MAD1L1: variants seen among roughly 807,000 people sequenced by gnomAD.
MAD1L1 encodes the protein mitotic spindle assembly checkpoint protein MAD1.
MAD1L1 carries 95 observed loss-of-function variants against 96.9 expected under a neutral mutation model. The observed-to-expected ratio is 0.98, with a 90% CI of 0.83 to 1.16. The LOEUF (loss-of-function observed/expected upper bound fraction) is 1.16. MAD1L1 is among the 50% of genes most tolerant of loss of function. MAD1L1 has a pLI of 0.00. For synonymous variants in MAD1L1, 473 were observed against 396.6 expected (o/e 1.19, Z -2.29); for missense variants, 1,007 against 954.4 (o/e 1.06, Z -0.73).
intron 12 of MAD1L1, among the ~76,000 whole-genome samples, chr7:2,051,606 A>T (rs891700040): frequency 6.6e-6 from 1 of 151,626 alleles, no homozygotes; most frequent in Non-Finnish European, 1.5e-5. Flanking sequence ...CCTTCCCTGC[A>T]TCCGCCGGGT....
chr7:1,908,739 T>G (rs1354192672), intron 17 of MAD1L1, among the ~76,000 whole-genome samples: 1 of 152,172 alleles, frequency 6.6e-6, no homozygotes, highest in Non-Finnish European at 1.5e-5. Flanking sequence ...CCGTTCTGAC[T>G]TCTGGTCTTC....
At chr7:1,862,590 C>G (rs2128648312) in intron 18 of MAD1L1, among the ~76,000 whole-genome samples, 1 of 152,382 alleles carries the variant, frequency 6.6e-6, no homozygotes, top group East Asian at 1.9e-4. Flanking sequence ...CAGATCCACT[C>G]AGGGGGCATT....
chr7:1,876,516 C>G (rs1189922495), intron 18 of MAD1L1, among the ~76,000 whole-genome samples: 2 of 151,924 alleles, frequency 1.3e-5, no homozygotes, highest in African/African-American at 4.8e-5. Context: ...ATGATTGCAG[C>G]TAAATTAATT....
intron 11 of MAD1L1, among the ~76,000 whole-genome samples, chr7:2,126,737 C>CA (rs1298246289): frequency 1.3e-5 from 2 of 152,166 alleles, no homozygotes; most frequent in Non-Finnish European, 2.9e-5. Context: ...TGCAAGGAAG[C>CA]AGAGTGACCG....
At chr7:2,133,033 CA>C (rs1290924545) in intron 11 of MAD1L1, among the ~76,000 whole-genome samples, 2 of 152,226 alleles carry the variant, frequency 1.3e-5, no homozygotes, top group Non-Finnish European at 2.9e-5. Flanking sequence ...GGCGCCTGTT[CA>C]GAGCTCACCC....
intron 18 of MAD1L1, among the ~76,000 whole-genome samples, chr7:1,892,521 C>A (rs1177284216): frequency 6.6e-6 from 1 of 152,154 alleles, no homozygotes; most frequent in African/African-American, 2.4e-5. Flanking sequence ...AATATTCATC[C>A]CTAATCTGAA....
rs865799315 is a variant in MAD1L1, at chr7:2,014,988, C to G, written c.1219-346G>C. On this transcript the variant is annotated intron_variant, in intron 12 of 18. Transcript: ENST00000265854. ...TCTGCCCCTGTGGACACAGCACACA[C>G]AAGGCGAGGGCGCACAGTGGGCAGA... 2.0e-5 allele frequency among the ~76,000 whole-genome samples: 3 copies of G among 152,230 alleles called. No homozygotes were observed. In the East Asian group the frequency reaches 5.8e-4, roughly 29 times the overall value.
At chr7:2,224,537 C>G (rs1793778094) in intron 4 of MAD1L1, among the ~76,000 whole-genome samples, 1 of 152,200 alleles carries the variant, frequency 6.6e-6, no homozygotes, top group East Asian at 1.9e-4. Flanking sequence ...ATCCAACCAG[C>G]ATCACACCCC....
intron 18 of MAD1L1, among the ~76,000 whole-genome samples, chr7:1,865,960 T>C (rs1167050444): frequency 1.3e-5 from 2 of 152,182 alleles, no homozygotes; most frequent in Non-Finnish European, 2.9e-5. Context: ...CGGCCCGCAA[T>C]GGGCCAGGCA....
intron 3 of MAD1L1, among the ~76,000 whole-genome samples, chr7:2,228,985 A>G (rs1794058184): frequency 6.6e-6 from 1 of 152,140 alleles, no homozygotes; most frequent in African/African-American, 2.4e-5. Flanking sequence ...CGCCCACCTC[A>G]GCCTCCCAAA....
At chr7:1,934,686 C>T (rs1441090623) in intron 17 of MAD1L1, among the ~76,000 whole-genome samples, 15 of 148,320 alleles carry the variant, frequency 1.0e-4, no homozygotes, top group African/African-American at 1.0e-4. Flanking sequence ...TGGGCGAACC[C>T]GAGACAGGCA....
intron 16 of MAD1L1, among the ~76,000 whole-genome samples, chr7:1,939,023 ATGGGC>A (rs1562542987): frequency 6.9e-5 from 8 of 115,256 alleles, no homozygotes; most frequent in African/African-American, 2.7e-4. Flanking sequence ...ACACACACAC[ATGGGC>A]CAGGGCTGGG....
intron 10 of MAD1L1, among the ~76,000 whole-genome samples, chr7:2,210,915 C>T (rs1253458578): frequency 1.3e-5 from 2 of 152,236 alleles, no homozygotes; most frequent in Admixed American, 6.5e-5. Context: ...CACAAGTACA[C>T]GATCACGTCG....
At position 2,071,569 on chromosome 7, in the gene MAD1L1, C is replaced by T. The variant is rs765281144; in HGVS notation, c.1074-2231G>A. 3.9e-5 allele frequency among the ~76,000 whole-genome samples: 6 copies of T among 152,296 alleles called. No homozygotes were observed. The East Asian group carries it at 9.7e-4, about 25-fold the overall frequency. On this transcript the variant is annotated intron_variant, in intron 11 of 18. Coordinates refer to ENST00000265854, the MANE Select transcript of MAD1L1 (RefSeq NM_001013836.2). Reference sequence around the variant, plus strand: ...GCCCCTGGGCAGCTGCAGGATGGGGCGGGACACCAGGAAGATCGAGGCCGG... The same window carrying T: ...GCCCCTGGGCAGCTGCAGGATGGGGTGGGACACCAGGAAGATCGAGGCCGG...
chr7:2,042,099 G>A (rs556568517), intron 12 of MAD1L1, among the ~76,000 whole-genome samples: 52 of 146,444 alleles, frequency 3.6e-4, no homozygotes, highest in African/African-American at 5.8e-4. Flanking sequence ...ATCCACACAC[G>A]CACATGTGCA....
At chr7:1,936,172 C>T (rs1012819955) in intron 17 of MAD1L1, among the ~76,000 whole-genome samples, 2 of 152,246 alleles carry the variant, frequency 1.3e-5, no homozygotes, top group Non-Finnish European at 2.9e-5. Context: ...CACCTCCCCA[C>T]ATCAGGGGAT....
At chr7:2,092,250 G>A (rs752412243) in intron 11 of MAD1L1, among the ~76,000 whole-genome samples, 1 of 152,146 alleles carries the variant, frequency 6.6e-6, no homozygotes, top group Admixed American at 6.5e-5. Context: ...ATACTCCTGA[G>A]CATCCTCTTT....
intron 14 of MAD1L1, among the ~76,000 whole-genome samples, chr7:1,985,262 G>A (rs913331546): frequency 3.3e-5 from 5 of 152,242 alleles, no homozygotes; most frequent in African/African-American, 9.6e-5. Flanking sequence ...GGAGGCGACC[G>A]TTCCTCCCTT....
intron 18 of MAD1L1, among the ~76,000 whole-genome samples, chr7:1,827,463 CGT>C (rs1562431572): frequency 1.7e-3 from 157 of 94,858 alleles, no homozygotes; most frequent in Middle Eastern, 5.9e-3. Flanking sequence ...CTCCTGAGCC[CGT>C]CGCGGGTGTG....
Sources: gnomAD v4.1 joint callset for allele counts (sites outside exome capture counted in the v4.1 genomes callset) on GRCh38, gnomAD v4.1.1 for gene constraint, MANE v1.5 for transcripts, NCBI Gene and HGNC (gene_info 2026-07-23, HGNC 2026-07-21) for gene names.